LHPP: variants seen among roughly 807,000 people sequenced by gnomAD.
The protein encoded by LHPP is phospholysine phosphohistidine inorganic pyrophosphate phosphatase, also known as hLHPP.
In LHPP, 24 loss-of-function variants were observed where a neutral mutation model predicts 30.3. The observed-to-expected ratio is 0.79, with a 90% CI of 0.57 to 1.11. LHPP has a LOEUF of 1.11. Among genes scored for constraint, LHPP ranks in the 50% most tolerant of loss-of-function variants. LHPP has a pLI of 0.00. For missense variants in LHPP, 356 were observed against 367.2 expected (o/e 0.97, Z 0.25); for synonymous variants, 150 against 157.1 (o/e 0.95, Z 0.34).
chr10:124,463,181 A>G (rs1174279520), intron 1 of LHPP, among the ~76,000 whole-genome samples: 3 of 151,788 alleles, frequency 2.0e-5, no homozygotes, highest in African/African-American at 7.2e-5. Context: ...AATATTTTTA[A>G]TATACTGTTT....
At chr10:124,506,263 A>ACCCCCCCCCCCC (rs539116106) in intron 5 of LHPP, among the ~76,000 whole-genome samples, 5 of 86,334 alleles carry the variant, frequency 5.8e-5, no homozygotes, top group Non-Finnish European at 1.2e-4. Context: ...AAAACAACAA[A>ACCCCCCCCCCCC]CCCCCCCCCC....
chr10:124,529,809 A>T (rs946402962), intron 6 of LHPP, among the ~76,000 whole-genome samples: 1 of 128,914 alleles, frequency 7.8e-6, no homozygotes, highest in Non-Finnish European at 1.8e-5. Flanking sequence ...ACACACACAC[A>T]CACGCACACA....
chr10:124,526,069 G>T (rs920981767), intron 6 of LHPP: 7 of 559,438 alleles, frequency 1.3e-5, no homozygotes, highest in African/African-American at 2.0e-5. Context: ...GAACGTGCAG[G>T]TCCCTCGAGG....
In LHPP at chr10:124,565,844, C is replaced by T. The variant is rs1320760291; in HGVS notation, c.717-47420C>T. ...GTGGATCCGCCCTGCTCCAGCCCGGCGTCGGGTTACAGCAGTGGGGACAGG... is the reference window on the plus strand; with the variant it reads ...GTGGATCCGCCCTGCTCCAGCCCGGTGTCGGGTTACAGCAGTGGGGACAGG... On this transcript the variant is annotated intron_variant, in intron 6 of 6. Coordinates refer to ENST00000368842, the MANE Select transcript of LHPP (RefSeq NM_022126.4). Among the ~76,000 whole-genome samples the T allele has an allele frequency of 2.6e-5, 4 of 152,182 alleles. No homozygotes were observed. The South Asian group carries it at 8.3e-4, about 31-fold the overall frequency.
At chr10:124,519,894 GCA>G (rs1954566434) in intron 6 of LHPP, among the ~76,000 whole-genome samples, 2 of 151,604 alleles carry the variant, frequency 1.3e-5, no homozygotes, top group African/African-American at 4.9e-5. Flanking sequence ...GTGCAGTGGC[GCA>G]GTCTCGGCTC....
chr10:124,498,472 A>G, intron 5 of LHPP: 2 of 1,472,160 alleles, frequency 1.4e-6, no homozygotes, highest in Non-Finnish European at 1.8e-6. Context: ...CAAGATTACA[A>G]CAATATGGAG....
intron 1 of LHPP, 103 bp downstream of exon 1, chr10:124,462,090 C>CT: frequency 9.6e-7 from 1 of 1,043,576 alleles, no homozygotes; most frequent in Non-Finnish European, 1.2e-6. Context: ...GGCCGCGGCG[C>CT]AGGCCCCGCC....
intron 1 of LHPP, among the ~76,000 whole-genome samples, chr10:124,480,526 A>G (rs1302563558): frequency 6.6e-6 from 1 of 152,206 alleles, no homozygotes; most frequent in Non-Finnish European, 1.5e-5. Flanking sequence ...ATCATTCATT[A>G]GCAATAATTA....
At chr10:124,544,831 T>A (rs1955293686) in intron 6 of LHPP, among the ~76,000 whole-genome samples, 1 of 152,344 alleles carries the variant, frequency 6.6e-6, no homozygotes. Context: ...AGGGCGTGGC[T>A]GTCCCTCCTG....
Position 124,613,300 on chromosome 10 carries a change from T to C in LHPP, c.753T>C (p.Asp251=), listed in dbSNP as rs1278373726. 1 of 1,613,582 alleles carries C rather than the reference T, an allele frequency of 6.2e-7. No individual in the cohort carries two copies. The highest frequency in any genetic ancestry group is 1.3e-5 in the African/African-American group (1 of 75,030). The change falls in exon 7 of 7, where the codon GAT becomes GAC. Residue 251 remains aspartate, a synonymous_variant. Coordinates refer to ENST00000368842, the MANE Select transcript of LHPP (RefSeq NM_022126.4). ...AGCACCATCCGGAAGTGAAGGCTGA[T>C]GGGTACGTGGACAACCTCGCAGAGG... ...SDEHHPEVKA[D]GYVDNLAEAV... is the part of the protein sequence containing the mutation.
At chr10:124,522,001 T>G (rs1433301362) in intron 6 of LHPP, among the ~76,000 whole-genome samples, 3 of 152,188 alleles carry the variant, frequency 2.0e-5, no homozygotes, top group Non-Finnish European at 4.4e-5. Flanking sequence ...TATCCATTTC[T>G]CTTGTTTTCA....
In LHPP at chr10:124,590,855, G is replaced by T. The variant is rs78801768; in HGVS notation, c.717-22409G>T. Among the ~76,000 whole-genome samples the T allele has an allele frequency of 0.043, 6,477 of 152,300 alleles. 173 individuals are homozygous for T. The highest frequency in any genetic ancestry group is 0.061 in the South Asian group (295 of 4,818). ...GACAGGATGGCTTCGTATCCATCTGGCTGTGCCCTGTAACTCAAGGGATGG... is the reference window on the plus strand; with the variant it reads ...GACAGGATGGCTTCGTATCCATCTGTCTGTGCCCTGTAACTCAAGGGATGG... On this transcript the variant is annotated intron_variant, in intron 6 of 6. Transcript: ENST00000368842. The surrounding 1 kb of genome is among the most constrained non-coding windows in gnomAD (Gnocchi z 4.3).
chr10:124,465,311 G>C (rs1196123850), intron 1 of LHPP, among the ~76,000 whole-genome samples: 1 of 152,182 alleles, frequency 6.6e-6, no homozygotes, highest in African/African-American at 2.4e-5. Flanking sequence ...GCAGGAACTT[G>C]AGGGGCACGG....
chr10:124,476,463 G>C (rs1326647834), intron 1 of LHPP, among the ~76,000 whole-genome samples: 1 of 152,188 alleles, frequency 6.6e-6, no homozygotes, highest in East Asian at 1.9e-4. Flanking sequence ...GAGCTGGAAG[G>C]CTGGGCACCA....
At chr10:124,575,804 C>T (rs1474651456) in intron 6 of LHPP, among the ~76,000 whole-genome samples, 1 of 152,162 alleles carries the variant, frequency 6.6e-6, no homozygotes, top group Non-Finnish European at 1.5e-5. Context: ...TCCCCCACAC[C>T]CTGACCCCCA....
At chr10:124,500,271 A>G (rs932092100) in intron 5 of LHPP, among the ~76,000 whole-genome samples, 4 of 151,862 alleles carry the variant, frequency 2.6e-5, no homozygotes, top group Non-Finnish European at 5.9e-5. Flanking sequence ...TCAGGAGTTC[A>G]AGACCAGCCT....
At chr10:124,557,797 C>T (rs766707418) in intron 6 of LHPP, among the ~76,000 whole-genome samples, 3 of 151,966 alleles carry the variant, frequency 2.0e-5, no homozygotes, top group African/African-American at 4.8e-5. Context: ...GCTGCACAGG[C>T]GTGGACCGTG....
At chr10:124,612,241 A>G (rs1949211730) in intron 6 of LHPP, among the ~76,000 whole-genome samples, 1 of 152,122 alleles carries the variant, frequency 6.6e-6, no homozygotes, top group South Asian at 2.1e-4. Flanking sequence ...CTATCTCTAC[A>G]CTAAAAAATA....
At chr10:124,499,318 GC>G (rs1038240572) in intron 5 of LHPP, among the ~76,000 whole-genome samples, 2 of 151,626 alleles carry the variant, frequency 1.3e-5, no homozygotes, top group African/African-American at 4.9e-5. Flanking sequence ...CCAACACACA[GC>G]CCCCTCCAGC....
Sources: allele counts gnomAD v4.1 joint callset (sites outside exome capture counted in the v4.1 genomes callset), GRCh38; gene constraint gnomAD v4.1.1; non-coding constraint Gnocchi (gnomAD v3.1); transcripts MANE v1.5; gene names NCBI Gene and HGNC (gene_info 2026-07-23, HGNC 2026-07-21).